COPS2: variants seen among roughly 807,000 people sequenced by gnomAD.
COPS2 encodes COP9 signalosome subunit 2.
In COPS2, 10 loss-of-function variants were observed where a neutral mutation model predicts 66.1. That is an observed-to-expected ratio of 0.15 (90% CI 0.09 to 0.26). COPS2 has a LOEUF of 0.26. Among genes scored for constraint, COPS2 ranks in the 10% least tolerant of loss-of-function variants. The pLI is 1.00. For missense variants in COPS2, 215 were observed against 513.3 expected (o/e 0.42, Z 5.62); for synonymous variants, 179 against 171.3 (o/e 1.04, Z -0.35).
intron 1 of COPS2, among the ~76,000 whole-genome samples, chr15:49,147,138 GTTTTA>G (rs1049943991): frequency 4.1e-4 from 63 of 152,098 alleles, no homozygotes; most frequent in African/African-American, 1.5e-3. Context: ...TTTTCTAATT[GTTTTA>G]TTAAGTTGGA....
intron 1 of COPS2, among the ~76,000 whole-genome samples, chr15:49,148,664 C>T (rs1401650188): frequency 6.6e-6 from 1 of 152,168 alleles, no homozygotes; most frequent in East Asian, 1.9e-4. Context: ...ATTTGTGTTT[C>T]TGGAAGCAAT....
intron 1 of COPS2, among the ~76,000 whole-genome samples, chr15:49,153,170 A>G (rs1374751188): frequency 1.3e-5 from 2 of 152,250 alleles, no homozygotes; most frequent in Non-Finnish European, 2.9e-5. Flanking sequence ...ACGTGCCAGT[A>G]GTCTCAGCTA....
intron 4 of COPS2, among the ~76,000 whole-genome samples, chr15:49,138,326 ACT>A (rs34421865): frequency 6.6e-6 from 1 of 151,576 alleles, no homozygotes; most frequent in Non-Finnish European, 1.5e-5. Context: ...TTCAGAAAAC[ACT>A]CTCTATTTAT....
chr15:49,148,057 G>C (rs1222910390), intron 1 of COPS2, among the ~76,000 whole-genome samples: 1 of 152,060 alleles, frequency 6.6e-6, no homozygotes, highest in East Asian at 1.9e-4. Flanking sequence ...ATTATCACAA[G>C]CTGTGCACTA....
At chr15:49,138,085 A>T (rs1214718315) in intron 4 of COPS2, among the ~76,000 whole-genome samples, 1 of 152,230 alleles carries the variant, frequency 6.6e-6, no homozygotes, top group African/African-American at 2.4e-5. Context: ...CTGGTAAACC[A>T]TGGAGGTGGG....
intron 1 of COPS2, among the ~76,000 whole-genome samples, chr15:49,151,495 A>C (rs1481973404): frequency 6.6e-6 from 1 of 152,172 alleles, no homozygotes; most frequent in East Asian, 1.9e-4. Flanking sequence ...AATTGGTCTT[A>C]AATTCTTTCT....
At chr15:49,135,384 A>G (rs1054974958) in intron 6 of COPS2, among the ~76,000 whole-genome samples, 1 of 152,306 alleles carries the variant, frequency 6.6e-6, no homozygotes, top group Admixed American at 6.5e-5. Context: ...TCATGGGGAA[A>G]TACAAAGTTA....
chr15:49,143,829 A>G (rs1388650817), intron 3 of COPS2, among the ~76,000 whole-genome samples: 3 of 152,138 alleles, frequency 2.0e-5, no homozygotes, highest in East Asian at 1.9e-4. Flanking sequence ...TTCTAAAAAC[A>G]CAAAAAATTA....
chr15:49,143,762 A>C (rs778114274), intron 3 of COPS2, among the ~76,000 whole-genome samples: 3 of 152,174 alleles, frequency 2.0e-5, no homozygotes, highest in African/African-American at 4.8e-5. Context: ...CAAGGCAGGC[A>C]GATCACGAGG....
In COPS2 at chr15:49,151,323, C is replaced by A. The variant is rs185206831; in HGVS notation, c.54+4202G>T. Among the ~76,000 whole-genome samples the A allele has an allele frequency of 6.3e-4, 95 of 151,536 alleles. 1 individual carries two copies. The highest frequency in any genetic ancestry group is 2.3e-3 in the African/African-American group (94 of 41,256). ...GTTGAGGCAGGAGAATTGCTTGAAC[C>A]CAGAAGGTGGAGGTTGCAGTGAGCC... On this transcript the variant is annotated intron_variant, in intron 1 of 12. Coordinates refer to ENST00000388901, the MANE Select transcript of COPS2 (RefSeq NM_004236.4).
chr15:49,129,638 T>C (rs2084194675), intron 10 of COPS2, 79 bp from the exon 11 acceptor site: 4 of 613,806 alleles, frequency 6.5e-6, no homozygotes, highest in Non-Finnish European at 1.0e-5. Context: ...TACTCCTAAT[T>C]ATCTTCTCAA....
chr15:49,144,550 T>C (rs573297139), intron 2 of COPS2, among the ~76,000 whole-genome samples: 27 of 152,338 alleles, frequency 1.8e-4, no homozygotes, highest in African/African-American at 6.5e-4. Flanking sequence ...TTGATTATTA[T>C]ATAGTTTCTG....
intron 6 of COPS2, 133 bp downstream of exon 6, chr15:49,137,017 C>T (rs1595821733): frequency 3.2e-6 from 2 of 632,034 alleles, no homozygotes; most frequent in East Asian, 6.2e-5. Context: ...AATTTTATAA[C>T]TTATTTTCTA....
intron 1 of COPS2, among the ~76,000 whole-genome samples, 161 bp from the exon 2 acceptor site, chr15:49,145,239 A>G (rs1173270691): frequency 6.6e-6 from 1 of 152,244 alleles, no homozygotes; most frequent in African/African-American, 2.4e-5. Context: ...CAACTGTTAT[A>G]TAAAACCAGG....
rs2084422972 is a variant in COPS2 at position 49,155,561 on chromosome 15, A to C, written c.18T>G (p.Asp6Glu). 1.9e-6 allele frequency: 3 copies of C among 1,614,012 alleles called. No individual in the cohort carries two copies. The highest frequency in any genetic ancestry group is 1.1e-5 in the South Asian group (1 of 91,088). The change falls in exon 1 of 13, where the codon GAT (aspartate) becomes GAG (glutamate). Residue 6 changes from aspartate to glutamate, a missense_variant. Asp to Glu is a conservative substitution (Grantham distance 45, BLOSUM62 2). Coordinates refer to ENST00000388901, the MANE Select transcript of COPS2 (RefSeq NM_004236.4). MSDME[D>E]DFMCDDEEDY... ...CCTCCTCATCATCGCACATGAAATC[A>C]TCCTCCATGTCAGACATCTTGGCCG...
intron 1 of COPS2, among the ~76,000 whole-genome samples, chr15:49,155,307 C>T (rs2084415765): frequency 6.6e-6 from 1 of 152,246 alleles, no homozygotes; most frequent in African/African-American, 2.4e-5. Flanking sequence ...AGGCCCGGGG[C>T]CCCCTTCGCT....
At position 49,123,511 on chromosome 15, in the gene COPS2, G is replaced by A. The variant is rs565435045; in HGVS notation, c.*4439C>T. ...TGGAAAATTACTGTGATAAACTGGT[G>A]ATGAATTTTGTACTCCCACAAGTAT... On this transcript the variant is annotated 3_prime_UTR_variant, in exon 13 of 13. Transcript: ENST00000388901. 1 of 152,268 alleles carries A rather than the reference G, an allele frequency of 6.6e-6. No homozygotes were observed. The highest frequency in any genetic ancestry group is 2.1e-4 in the South Asian group (1 of 4,824). 9.4% of individuals were successfully genotyped at this position (152,268 alleles called of 1,614,324 possible). A position where few individuals can be genotyped will look rare whatever the true frequency, so the allele number is the denominator to read the frequency against.
chr15:49,130,616 T>C (rs1371794873), intron 10 of COPS2, 103 bp downstream of exon 10: 14 of 629,084 alleles, frequency 2.2e-5, no homozygotes, highest in South Asian at 9.5e-5. Context: ...TACTTTGCAA[T>C]AGACAGAAAG....
Position 49,123,188 on chromosome 15 carries a change from T to C in COPS2, c.*4762A>G, listed in dbSNP as rs1292855122. The C allele has an allele frequency of 1.3e-5, 2 of 152,214 alleles. No homozygotes were observed. The highest frequency in any genetic ancestry group is 2.1e-4 in the South Asian group (1 of 4,834). 9.4% of individuals were successfully genotyped at this position (152,214 alleles called of 1,614,324 possible). A position where few individuals can be genotyped will look rare whatever the true frequency, so the allele number is the denominator to read the frequency against. On this transcript the variant is annotated 3_prime_UTR_variant, in exon 13 of 13. Coordinates refer to ENST00000388901, the MANE Select transcript of COPS2 (RefSeq NM_004236.4). ...TTAGATACTCAACACTTGGCATTAA[T>C]ATGTTGCTAATAAGCATGCCAAAAC...
Sources: gnomAD v4.1 joint callset for allele counts (sites outside exome capture counted in the v4.1 genomes callset) on GRCh38, gnomAD v4.1.1 for gene constraint, MANE v1.5 for transcripts, NCBI Gene and HGNC (gene_info 2026-07-23, HGNC 2026-07-21) for gene names.